Variants in ISY1 observed in about 807,000 individuals in gnomAD.
ISY1 encodes ISY1 spliceosome associated protein.
Under a neutral mutation model 54.4 loss-of-function variants are expected in ISY1, and 12 were observed. That is an observed-to-expected ratio of 0.22 (90% CI 0.14 to 0.36). ISY1 has a LOEUF of 0.36. Among genes scored for constraint, ISY1 ranks in the 10% least tolerant of loss-of-function variants. The probability of loss-of-function intolerance (pLI) is 1.00; values close to 1 mark genes in which losing one functional copy is unlikely to be tolerated. For missense variants in ISY1, 282 were observed against 342.2 expected (o/e 0.82, Z 1.39); for synonymous variants, 96 against 117.9 (o/e 0.81, Z 1.20).
Position 129,150,769 on chromosome 3 carries a change from T to C in ISY1, c.188-4896A>G, listed in dbSNP as rs182697603. Among the ~76,000 whole-genome samples, 7 of 152,034 alleles carry C rather than the reference T, an allele frequency of 4.6e-5. No individual in the cohort carries two copies. The East Asian group carries it at 9.7e-4, about 21-fold the overall frequency. ...AGTTATTTCTTGTGTTTTGGTGCTT[T>C]TGTAAATAGCACTTTAAAAAAATGT... On this transcript the variant is annotated intron_variant, in intron 5 of 10. Transcript: ENST00000393295.
chr3:129,148,636 C>A (rs908371854), intron 5 of ISY1, among the ~76,000 whole-genome samples: 2 of 152,254 alleles, frequency 1.3e-5, no homozygotes, highest in African/African-American at 4.8e-5. Context: ...ACAATCTCAG[C>A]TCACTGCGAC....
chr3:129,135,639 C>T (rs1936372794), intron 7 of ISY1, among the ~76,000 whole-genome samples: 1 of 151,132 alleles, frequency 6.6e-6, no homozygotes. Context: ...TGGTGGGGGC[C>T]CCTGTAATCC....
At chr3:129,131,967 C>T (rs979063571) in intron 9 of ISY1, among the ~76,000 whole-genome samples, 1 of 152,086 alleles carries the variant, frequency 6.6e-6, no homozygotes, top group Non-Finnish European at 1.5e-5. Context: ...GTAGCTGGGA[C>T]TATAGGCATG....
At chr3:129,140,646 C>T (rs1285704479) in intron 6 of ISY1, among the ~76,000 whole-genome samples, 161 bp from the exon 7 acceptor site, 1 of 152,146 alleles carries the variant, frequency 6.6e-6, no homozygotes, top group East Asian at 1.9e-4. Context: ...CACAATCTCA[C>T]TGCAACCTCC....
At chr3:129,151,716 T>C (rs916920202) in intron 5 of ISY1, among the ~76,000 whole-genome samples, 1 of 152,208 alleles carries the variant, frequency 6.6e-6, no homozygotes, top group African/African-American at 2.4e-5. Context: ...TTTTATTTCC[T>C]TTTTTTACTT....
chr3:129,129,282 C>G lies in ISY1; in HGVS notation c.*799G>C, dbSNP rs972676717. 6.6e-6 allele frequency: 1 copy of G among 152,022 alleles called. No individual in the cohort carries two copies. The highest frequency in any genetic ancestry group is 2.4e-5 in the African/African-American group (1 of 41,360). The allele number at this position is 152,022 out of a possible 1,614,324, so 9.4% of individuals were successfully genotyped here. A position where few individuals can be genotyped will look rare whatever the true frequency, so the allele number is the denominator to read the frequency against. ...CAAATTCCTGCCACCCAGGCAGGAG[C>G]GAGTGGAGCAGGTGGAGGGGGGCTA... On this transcript the variant is annotated 3_prime_UTR_variant, in exon 11 of 11. Coordinates refer to ENST00000393295, the MANE Select transcript of ISY1 (RefSeq NM_020701.4).
intron 5 of ISY1, among the ~76,000 whole-genome samples, chr3:129,150,990 T>C (rs1019851413): frequency 4.6e-5 from 7 of 151,228 alleles, no homozygotes; most frequent in African/African-American, 1.5e-4. Context: ...CCAGGTGTGG[T>C]GGTGGATGCC....
intron 6 of ISY1, 31 bp from the exon 7 acceptor site, chr3:129,140,516 T>C: frequency 6.3e-7 from 1 of 1,575,452 alleles, no homozygotes; most frequent in Non-Finnish European, 8.6e-7. Context: ...AGAAAATGGA[T>C]CTGTTAGTTA....
rs58342546 is a variant in ISY1 at position 129,156,738 on chromosome 3, A to G, written c.145-63T>C. On this transcript the variant is annotated intron_variant, in intron 4 of 10. Transcript: ENST00000393295. ...ATATGTTAGAAAGCACAGAAAAACT[A>G]TAATTCAAAATTAGTATTTAAAAAT... 6,462 of 1,554,174 alleles carry G rather than the reference A, an allele frequency of 4.2e-3. 193 individuals carry two copies. In the African/African-American group the frequency reaches 0.07, roughly 17 times the overall value.
intron 5 of ISY1, among the ~76,000 whole-genome samples, chr3:129,154,791 C>T (rs1331165677): frequency 1.3e-5 from 2 of 151,152 alleles, no homozygotes; most frequent in Non-Finnish European, 2.9e-5. Context: ...TGGGTTCATG[C>T]CATTCTCCTG....
chr3:129,136,164 T>C (rs1303846993), intron 7 of ISY1, among the ~76,000 whole-genome samples: 2 of 151,518 alleles, frequency 1.3e-5, no homozygotes, highest in Non-Finnish European at 2.9e-5. Flanking sequence ...TGCAATGGCA[T>C]GATCTTGGCT....
At chr3:129,136,577 C>G (rs768561036) in intron 7 of ISY1, among the ~76,000 whole-genome samples, 2 of 152,002 alleles carry the variant, frequency 1.3e-5, no homozygotes, top group Non-Finnish European at 2.9e-5. Flanking sequence ...AATCTCAGCT[C>G]ACCACAACCT....
chr3:129,147,619 T>C (rs1936808951), intron 5 of ISY1, among the ~76,000 whole-genome samples: 1 of 152,212 alleles, frequency 6.6e-6, no homozygotes, highest in Admixed American at 6.5e-5. Context: ...AGTTTTATTT[T>C]TTTTATTGAC....
chr3:129,156,495 C>T (rs1937145601), intron 5 of ISY1, 138 bp downstream of exon 5: 7 of 781,712 alleles, frequency 9.0e-6, no homozygotes, highest in Middle Eastern at 3.1e-4. Flanking sequence ...ACTGACTGAT[C>T]GTATTGATTG....
At position 129,152,404 on chromosome 3, in the gene ISY1, G is replaced by A. The variant is rs181619339; in HGVS notation, c.187+4229C>T. On this transcript the variant is annotated intron_variant, in intron 5 of 10. Coordinates refer to ENST00000393295, the MANE Select transcript of ISY1 (RefSeq NM_020701.4). Reference sequence around the variant, plus strand: ...GTATTATCCTTTTTATACATTGCTAGGTTTTGTTTTTTTTTTTGAGACGGA... The same window carrying A: ...GTATTATCCTTTTTATACATTGCTAAGTTTTGTTTTTTTTTTTGAGACGGA... Among the ~76,000 whole-genome samples, 267 of 152,004 alleles carry A rather than the reference G, an allele frequency of 1.8e-3. 1 individual carries two copies. Among genetic ancestry groups the A allele is most frequent in the African/African-American group, 5.3e-3 (219 of 41,496 alleles).
At chr3:129,160,597 T>C (rs991795004) in intron 1 of ISY1, among the ~76,000 whole-genome samples, 2 of 151,988 alleles carry the variant, frequency 1.3e-5, no homozygotes, top group South Asian at 2.1e-4. Context: ...AATGAAATAA[T>C]CCCAGAAACA....
In ISY1 at chr3:129,160,484, G is replaced by A. The variant is rs573227694; in HGVS notation, c.3+489C>T. ...GCCATTCATTTATTCAATAGTTATT[G>A]AACATCTGCAACGACTCTGTGTCAG... On this transcript the variant is annotated intron_variant, in intron 1 of 10. Transcript: ENST00000393295. Among the ~76,000 whole-genome samples, 5 of 151,824 alleles carry A rather than the reference G, an allele frequency of 3.3e-5. No individual in the cohort carries two copies. The East Asian group carries it at 9.8e-4, about 30-fold the overall frequency.
intron 6 of ISY1, among the ~76,000 whole-genome samples, chr3:129,141,230 T>G (rs531489395): frequency 8.9e-6 from 1 of 112,058 alleles, no homozygotes; most frequent in East Asian, 3.1e-4. Flanking sequence ...AATAAATAAA[T>G]AAAAAACACT....
intron 5 of ISY1, among the ~76,000 whole-genome samples, chr3:129,149,977 A>G (rs1217941185): frequency 7.3e-6 from 1 of 136,698 alleles, no homozygotes; most frequent in East Asian, 3.2e-4. Context: ...CTATCTCAAA[A>G]AAAAAAAAAA....
Sources: gnomAD v4.1 joint callset for allele counts (sites outside exome capture counted in the v4.1 genomes callset) on GRCh38, gnomAD v4.1.1 for gene constraint, MANE v1.5 for transcripts, NCBI Gene and HGNC (gene_info 2026-07-23, HGNC 2026-07-21) for gene names.